The following SH3PXD2B variants were observed in gnomAD, a reference collection of about 807,000 sequenced individuals.
SH3PXD2B encodes the protein SH3 and PX domain-containing protein 2B.
In SH3PXD2B, 37 loss-of-function variants were observed where a neutral mutation model predicts 73.1. The ratio of observed to expected loss-of-function variants is 0.51; its 90% CI spans 0.39 to 0.67. SH3PXD2B has a LOEUF of 0.67. SH3PXD2B is among the 30% of genes least tolerant of loss of function. The probability of loss-of-function intolerance (pLI) is 0.00; values close to 1 mark genes in which losing one functional copy is unlikely to be tolerated. For missense variants in SH3PXD2B, 1,053 were observed against 1,197.8 expected (o/e 0.88, Z 1.78); for synonymous variants, 457 against 480.5 (o/e 0.95, Z 0.64).
rs370871797 is a variant in SH3PXD2B, at chr5:172,405,728, T to C, written c.232+549A>G. Among the ~76,000 whole-genome samples the C allele has an allele frequency of 1.7e-4, 26 of 152,278 alleles. No individual in the cohort carries two copies. The East Asian group carries it at 4.8e-3, about 28-fold the overall frequency. On this transcript the variant is annotated intron_variant, in intron 3 of 12. Transcript: ENST00000311601. Reference sequence around the variant, plus strand: ...AGTTGGGCCAAAAACCCTGCCTGGATTTTTGGCCCACAGACCTGTGAGGTA... The same window carrying C: ...AGTTGGGCCAAAAACCCTGCCTGGACTTTTGGCCCACAGACCTGTGAGGTA...
rs1026559997 is a variant in SH3PXD2B at position 172,339,478 on chromosome 5, G to T, written c.1627C>A (p.Arg543=). ...CCCCGGAGCTGCTCCGTCCTCTGCCGCTCCCGCTCCCGCTCCAGCAGCTCC... is the reference window on the plus strand; with the variant it reads ...CCCCGGAGCTGCTCCGTCCTCTGCCTCTCCCGCTCCCGCTCCAGCAGCTCC... ...EGELLERERE[R]QRTEQLRGPT... is the part of the protein sequence containing the mutation. Residue 543 remains arginine, a synonymous_variant, in exon 13 of 13, where the codon CGG becomes AGG. Coordinates refer to ENST00000311601, the MANE Select transcript of SH3PXD2B (RefSeq NM_001017995.3). The surrounding 1 kb of genome is among the most constrained non-coding windows in gnomAD (Gnocchi z 6.1). 6.2e-7 allele frequency: 1 copy of T among 1,610,542 alleles called. No individual in the cohort carries two copies. Among genetic ancestry groups the T allele is most frequent in the Non-Finnish European group, 8.5e-7 (1 of 1,179,598 alleles).
At chr5:172,412,930 C>G (rs1371791780) in intron 2 of SH3PXD2B, among the ~76,000 whole-genome samples, 1 of 152,192 alleles carries the variant, frequency 6.6e-6, no homozygotes, top group African/African-American at 2.4e-5. Context: ...GTTGCCACAT[C>G]ACAGGCTTCC....
chr5:172,383,145 C>T (rs1757986032), intron 4 of SH3PXD2B, among the ~76,000 whole-genome samples: 1 of 152,104 alleles, frequency 6.6e-6, no homozygotes, highest in Non-Finnish European at 1.5e-5. Context: ...AGGTTATTTC[C>T]AACATGCTCA....
chr5:172,453,047 C>T (rs887042582), intron 1 of SH3PXD2B, among the ~76,000 whole-genome samples: 1 of 152,050 alleles, frequency 6.6e-6, no homozygotes, highest in Non-Finnish European at 1.5e-5. Flanking sequence ...GAGTGGGTTC[C>T]CGGCTATCTC....
chr5:172,434,786 T>TTGTTTTTTTGTTTTTG (rs1475591993), intron 1 of SH3PXD2B, among the ~76,000 whole-genome samples: 15 of 149,488 alleles, frequency 1.0e-4, no homozygotes, highest in East Asian at 3.9e-4. Context: ...CCAATGGTTT[T>TTGTTTTTTTGTTTTTG]TTTTTTTTTT....
rs960122614 is a variant in SH3PXD2B, at chr5:172,424,999, C to T, written c.76-2503G>A. Reference sequence around the variant, plus strand: ...ACCCTTCTTCCTTGTTTGCGCTCCCCGTTCCTAGGTAACTCATGGAGCCAG... The same window carrying T: ...ACCCTTCTTCCTTGTTTGCGCTCCCTGTTCCTAGGTAACTCATGGAGCCAG... On this transcript the variant is annotated intron_variant, in intron 1 of 12. Transcript: ENST00000311601. Among the ~76,000 whole-genome samples, 33 of 152,134 alleles carry T rather than the reference C, an allele frequency of 2.2e-4. 1 individual carries two copies. Among genetic ancestry groups the T allele is most frequent in the Admixed American group, 9.8e-4 (15 of 15,276 alleles).
In SH3PXD2B at chr5:172,421,271, A is replaced by G. The variant is rs542460999; in HGVS notation, c.156+1145T>C. 7.7e-4 allele frequency among the ~76,000 whole-genome samples: 118 copies of G among 152,316 alleles called. 2 individuals carry two copies. In the South Asian group the frequency reaches 0.024, roughly 32 times the overall value. ...CACTTGCTGTTACACGCCATTAGTG[A>G]CATCAAGAAGAAACTACTAACCCAC... On this transcript the variant is annotated intron_variant, in intron 2 of 12. Transcript: ENST00000311601. The surrounding 1 kb of genome is among the most constrained non-coding windows in gnomAD (Gnocchi z 4.0).
intron 9 of SH3PXD2B, among the ~76,000 whole-genome samples, chr5:172,352,345 C>A (rs1757175004): frequency 6.6e-6 from 1 of 152,110 alleles, no homozygotes; most frequent in African/African-American, 2.4e-5. Flanking sequence ...CTGCCTCAGC[C>A]TCCTGGGTAG....
At chr5:172,340,966 A>G (rs1756836856) in intron 12 of SH3PXD2B, among the ~76,000 whole-genome samples, 1 of 152,142 alleles carries the variant, frequency 6.6e-6, no homozygotes, top group Admixed American at 6.6e-5. Context: ...TATACAGGGG[A>G]CCTGGAGCTG....
At chr5:172,431,386 C>T (rs1360184659) in intron 1 of SH3PXD2B, among the ~76,000 whole-genome samples, 3 of 152,232 alleles carry the variant, frequency 2.0e-5, no homozygotes, top group Non-Finnish European at 2.9e-5. Flanking sequence ...GGGAGAAGAG[C>T]GACGGGGAGA....
At chr5:172,398,157 C>T (rs1291526593) in intron 3 of SH3PXD2B, among the ~76,000 whole-genome samples, 2 of 152,226 alleles carry the variant, frequency 1.3e-5, no homozygotes, top group African/African-American at 2.4e-5. Context: ...GGATGGTAAC[C>T]AATTTAAGGG....
rs3053146 is a variant in SH3PXD2B at position 172,327,752 on chromosome 5, G to GTTTT, written c.1189-2376_1189-2373dup. Among the ~76,000 whole-genome samples, 1,296 of 142,210 alleles carry GTTTT rather than the reference G, an allele frequency of 9.1e-3. 22 individuals are homozygous for GTTTT. Among genetic ancestry groups the GTTTT allele is most frequent in the African/African-American group, 0.024 (874 of 36,668 alleles). The allele number at this position is 142,210 out of a possible 152,430, so 93.3% of individuals were successfully genotyped here. On this transcript the variant is annotated intron_variant, in intron 12 of 12. Coordinates refer to the SH3PXD2B transcript ENST00000519643. ...TACGGGTGCATACCACTGCAACTGG[G>GTTTT]TTTTTTTTTTTTTTTTTTTTGAGAT... is the stretch of plus-strand genomic sequence containing the variant.
At chr5:172,350,959 G>A (rs1314130973) in intron 9 of SH3PXD2B, among the ~76,000 whole-genome samples, 2 of 152,216 alleles carry the variant, frequency 1.3e-5, no homozygotes, top group South Asian at 2.1e-4. Context: ...GCTGATGAAC[G>A]TGGAGATTAA....
rs759124812 is a variant in SH3PXD2B at position 172,336,266 on chromosome 5, C to A, written c.*2103G>T. On this transcript the variant is annotated 3_prime_UTR_variant, in exon 13 of 13. Coordinates refer to ENST00000311601, the MANE Select transcript of SH3PXD2B (RefSeq NM_001017995.3). ...ATAGCTTCACAAAAGTTGTTTAAACCAAAGTGGATCAAGAACTCAGGAAAA... is the reference window on the plus strand; with the variant it reads ...ATAGCTTCACAAAAGTTGTTTAAACAAAAGTGGATCAAGAACTCAGGAAAA... 1.0e-6 allele frequency: 1 copy of A among 985,458 alleles called. No homozygotes were observed. Among genetic ancestry groups the A allele is most frequent in the Non-Finnish European group, 1.2e-6 (1 of 829,932 alleles). 61.0% of individuals were successfully genotyped at this position (985,458 alleles called of 1,614,324 possible).
At chr5:172,356,564 C>T (rs1757282258) in intron 8 of SH3PXD2B, 1 of 152,276 alleles carries the variant, frequency 6.6e-6, no homozygotes, top group African/African-American at 2.4e-5. Context: ...ACATGTCACA[C>T]AAGACAGACG....
chr5:172,393,992 G>T (rs1758242758), intron 4 of SH3PXD2B, among the ~76,000 whole-genome samples: 1 of 152,016 alleles, frequency 6.6e-6, no homozygotes, highest in Non-Finnish European at 1.5e-5. Context: ...TTGCCCAGGT[G>T]GGAGTGTATT....
chr5:172,326,565 T>C (rs1321617386), intron 12 of SH3PXD2B, among the ~76,000 whole-genome samples: 2 of 152,148 alleles, frequency 1.3e-5, no homozygotes, highest in Non-Finnish European at 2.9e-5. Flanking sequence ...GGGTGTTCCA[T>C]AAACATACTT....
At chr5:172,378,125 C>A (rs1013411580) in intron 5 of SH3PXD2B, among the ~76,000 whole-genome samples, 4 of 152,198 alleles carry the variant, frequency 2.6e-5, no homozygotes, top group Non-Finnish European at 5.9e-5. Flanking sequence ...AGGGCTGGCT[C>A]ACACCCTTTG....
intron 1 of SH3PXD2B, among the ~76,000 whole-genome samples, chr5:172,429,904 C>T (rs1759192208): frequency 6.6e-6 from 1 of 152,180 alleles, no homozygotes; most frequent in African/African-American, 2.4e-5. Flanking sequence ...TGCTCACCCT[C>T]CTAACTGTCA....
Sources: gnomAD v4.1 joint callset for allele counts (sites outside exome capture counted in the v4.1 genomes callset) on GRCh38, gnomAD v4.1.1 for gene constraint, Gnocchi (gnomAD v3.1) non-coding constraint, MANE v1.5 for transcripts, NCBI Gene and HGNC (gene_info 2026-07-23, HGNC 2026-07-21) for gene names.